Variants in ATOSA observed in about 807,000 individuals in gnomAD.
ATOSA encodes atos homolog protein A.
At chr15:52,638,497 C>T in the ATOSA span, among the ~76,000 whole-genome samples, 4 of 151,934 alleles carry the variant, frequency 2.6e-5, no homozygotes, top group Non-Finnish European at 5.9e-5. Flanking sequence ...AATTTGAGAC[C>T]AGCCTGGCCA....
At chr15:52,657,085 G>A in the ATOSA span, 1 of 152,046 alleles carries the variant, frequency 6.6e-6, no homozygotes, top group South Asian at 2.1e-4. Flanking sequence ...ATAATATTTT[G>A]TAGATGAAGA....
the ATOSA span, among the ~76,000 whole-genome samples, chr15:52,676,422 G>A: frequency 6.6e-6 from 1 of 151,950 alleles, no homozygotes; most frequent in Non-Finnish European, 1.5e-5. Context: ...ATTACATTGC[G>A]CACAGTAAGG....
At chr15:52,601,236 CTTT>C in the ATOSA span, 2 of 918,030 alleles carry the variant, frequency 2.2e-6, no homozygotes, top group Non-Finnish European at 3.3e-6. Flanking sequence ...TGATAAAACA[CTTT>C]TTAAATGAAA....
the ATOSA span, chr15:52,709,732 GGT>G: frequency 1.3e-5 from 2 of 152,426 alleles, no homozygotes; most frequent in Non-Finnish European, 2.9e-5. Flanking sequence ...ATACCTATTG[GGT>G]TGTGTCCGCA....
chr15:52,634,520 G>A, the ATOSA span, among the ~76,000 whole-genome samples: 4 of 151,624 alleles, frequency 2.6e-5, no homozygotes, highest in Admixed American at 2.6e-4. Flanking sequence ...CTTATTAAAA[G>A]GCAGACGTTG....
chr15:52,601,865 T>C, the ATOSA span, among the ~76,000 whole-genome samples: 3 of 152,244 alleles, frequency 2.0e-5, no homozygotes, highest in Non-Finnish European at 4.4e-5. Flanking sequence ...AAGAAACAGA[T>C]GACACTGAAA....
chr15:52,661,048 A>G, the ATOSA span, among the ~76,000 whole-genome samples: 2 of 152,216 alleles, frequency 1.3e-5, no homozygotes, highest in African/African-American at 2.4e-5. Flanking sequence ...CATTTTTTAC[A>G]CATTGAAACT....
At chr15:52,622,845 A>G in the ATOSA span, among the ~76,000 whole-genome samples, 1 of 152,096 alleles carries the variant, frequency 6.6e-6, no homozygotes, top group Non-Finnish European at 1.5e-5. Flanking sequence ...ACGTTTAGTC[A>G]GGCATGGTGG....
the ATOSA span, among the ~76,000 whole-genome samples, chr15:52,615,191 G>A: frequency 5.3e-4 from 81 of 152,262 alleles, no homozygotes; most frequent in Admixed American, 3.1e-3. Flanking sequence ...GTGGAGTGTG[G>A]TATTCTGGTT....
chr15:52,628,792 T>C, the ATOSA span, among the ~76,000 whole-genome samples: 1 of 152,198 alleles, frequency 6.6e-6, no homozygotes. Context: ...CATGAAAGTA[T>C]AACACAAAAC....
the ATOSA span, among the ~76,000 whole-genome samples, chr15:52,637,620 A>T: frequency 1.3e-5 from 2 of 152,162 alleles, no homozygotes; most frequent in Non-Finnish European, 2.9e-5. Flanking sequence ...GTTCCCATCC[A>T]TCTTTACCTC....
chr15:52,631,394 C>T, the ATOSA span, among the ~76,000 whole-genome samples: 3 of 151,922 alleles, frequency 2.0e-5, no homozygotes, highest in South Asian at 4.1e-4. Context: ...CAAAGTACAC[C>T]ACTTCTTAAA....
chr15:52,648,252 C>T, the ATOSA span, among the ~76,000 whole-genome samples: 1 of 152,040 alleles, frequency 6.6e-6, no homozygotes, highest in East Asian at 1.9e-4. Context: ...TACTAAGGCC[C>T]AGAAGGTGAA....
At chr15:52,618,122 T>C in the ATOSA span, among the ~76,000 whole-genome samples, 3 of 152,044 alleles carry the variant, frequency 2.0e-5, no homozygotes, top group East Asian at 5.8e-4. Context: ...CACTGCAAGC[T>C]CTGCCTCCCA....
chr15:52,593,222 T>C, the ATOSA span, among the ~76,000 whole-genome samples: 1 of 151,692 alleles, frequency 6.6e-6, no homozygotes, highest in African/African-American at 2.4e-5. Flanking sequence ...AAAAGGGCCA[T>C]ACAGAAGCCT....
the ATOSA span, among the ~76,000 whole-genome samples, chr15:52,628,914 A>C: frequency 1.3e-3 from 195 of 152,336 alleles, no homozygotes; most frequent in African/African-American, 4.5e-3. Context: ...TATTTTCTAG[A>C]CCACAAAAAT....
At chr15:52,593,786 CATT>C in the ATOSA span, 1 of 1,483,914 alleles carries the variant, frequency 6.7e-7, no homozygotes, top group Non-Finnish European at 9.0e-7. Context: ...CTAACACATT[CATT>C]TTTTTTCTAT....
chr15:52,625,798 C>G, the ATOSA span, among the ~76,000 whole-genome samples: 1 of 152,100 alleles, frequency 6.6e-6, no homozygotes, highest in Non-Finnish European at 1.5e-5. Flanking sequence ...AAAGATGATC[C>G]CCATCAACCT....
At chr15:52,654,911 T>C in the ATOSA span, among the ~76,000 whole-genome samples, 2 of 151,970 alleles carry the variant, frequency 1.3e-5, no homozygotes, top group Admixed American at 6.6e-5. Context: ...ACTACACATA[T>C]ACGCATATTA....
Sources: allele counts gnomAD v4.1 joint callset (sites outside exome capture counted in the v4.1 genomes callset), GRCh38; gene constraint gnomAD v4.1.1; transcripts MANE v1.5; gene names NCBI Gene and HGNC (gene_info 2026-07-23, HGNC 2026-07-21).